Variants in DLG1 observed in about 807,000 individuals in gnomAD.
DLG1 encodes disks large homolog 1.
DLG1 carries 42 observed loss-of-function variants against 123.4 expected under a neutral mutation model. The ratio of observed to expected loss-of-function variants is 0.34; its 90% CI spans 0.27 to 0.44. The LOEUF (loss-of-function observed/expected upper bound fraction) is 0.44, where lower values mean the gene tolerates loss of function less well. DLG1 is among the 20% of genes least tolerant of loss of function. DLG1 has a pLI of 1.00. For missense variants in DLG1, 942 were observed against 1,082.6 expected (o/e 0.87, Z 1.82); for synonymous variants, 317 against 356.2 (o/e 0.89, Z 1.24).
At chr3:197,144,157 T>C (rs1789489508) in intron 6 of DLG1, among the ~76,000 whole-genome samples, 1 of 152,344 alleles carries the variant, frequency 6.6e-6, no homozygotes, top group South Asian at 2.1e-4. Context: ...CAATTAGATC[T>C]AGGCAAGCCC....
intron 4 of DLG1, among the ~76,000 whole-genome samples, chr3:197,196,931 T>C (rs1577926489): frequency 6.6e-6 from 1 of 152,196 alleles, no homozygotes; most frequent in East Asian, 1.9e-4. Context: ...TATATATGTG[T>C]ATGTGTGTAT....
chr3:197,190,597 C>T (rs750583476), intron 5 of DLG1, among the ~76,000 whole-genome samples: 3 of 152,186 alleles, frequency 2.0e-5, no homozygotes, highest in Non-Finnish European at 1.5e-5. Flanking sequence ...TGTGCCCGCA[C>T]ATTAGAAACA....
intron 4 of DLG1, among the ~76,000 whole-genome samples, chr3:197,225,057 C>T (rs1448489187): frequency 6.6e-6 from 1 of 152,140 alleles, no homozygotes; most frequent in Non-Finnish European, 1.5e-5. Flanking sequence ...CCTGGGTTCA[C>T]GCCATTCTCC....
chr3:197,149,249 C>T (rs1476169876), intron 6 of DLG1, among the ~76,000 whole-genome samples: 1 of 152,164 alleles, frequency 6.6e-6, no homozygotes, highest in Non-Finnish European at 1.5e-5. Context: ...TGCTAATCTA[C>T]TTTCAGTAAC....
At chr3:197,263,055 A>G (rs1760146973) in intron 4 of DLG1, among the ~76,000 whole-genome samples, 1 of 146,686 alleles carries the variant, frequency 6.8e-6, no homozygotes, top group African/African-American at 2.5e-5. Context: ...CTCCCTAAAT[A>G]AAGTTTATCA....
chr3:197,286,081 A>G (rs574321165), intron 3 of DLG1, among the ~76,000 whole-genome samples: 8 of 152,350 alleles, frequency 5.3e-5, no homozygotes, highest in African/African-American at 1.9e-4. Context: ...GCATGGAGGA[A>G]CCGTAAATAT....
intron 4 of DLG1, among the ~76,000 whole-genome samples, chr3:197,274,451 CA>C (rs1380499985): frequency 6.6e-6 from 1 of 151,950 alleles, no homozygotes; most frequent in Non-Finnish European, 1.5e-5. Context: ...AAAAACAAAT[CA>C]AAATAGATTA....
chr3:197,067,579 C>T (rs185096621), intron 19 of DLG1, among the ~76,000 whole-genome samples: 2,072 of 80,172 alleles, frequency 0.026, 66 homozygotes, highest in African/African-American at 0.11. Context: ...TTTTTTGAGA[C>T]GGAGTTTCGC....
chr3:197,227,484 C>A (rs1486457586), intron 4 of DLG1, among the ~76,000 whole-genome samples: 2 of 149,038 alleles, frequency 1.3e-5, no homozygotes, highest in African/African-American at 2.5e-5. Context: ...CAAAAAAAAA[C>A]CAAAAAAACA....
intron 5 of DLG1, among the ~76,000 whole-genome samples, chr3:197,184,565 G>A (rs770665872): frequency 1.3e-5 from 2 of 152,118 alleles, no homozygotes; most frequent in African/African-American, 2.4e-5. Context: ...TAATGTATTG[G>A]TTTTTAATGA....
chr3:197,193,464 T>G (rs1720738456), intron 5 of DLG1, among the ~76,000 whole-genome samples: 2 of 152,228 alleles, frequency 1.3e-5, no homozygotes, highest in East Asian at 3.8e-4. Context: ...TCCACAAAGA[T>G]GTATATATAA....
At chr3:197,287,147 T>C (rs1461976296) in intron 3 of DLG1, among the ~76,000 whole-genome samples, 1 of 151,944 alleles carries the variant, frequency 6.6e-6, no homozygotes, top group Non-Finnish European at 1.5e-5. Flanking sequence ...TGGGATTACA[T>C]GCGTTGAGCC....
In DLG1 at chr3:197,282,721, C is replaced by G; in HGVS notation, c.276G>C (p.Val92=). The change falls in exon 4 of 25, where the codon GTG becomes GTC. Residue 92 remains valine (V), a synonymous_variant. Transcript: ENST00000667157. ...GGCTGCTTGGCAGTGTCTCTGAAGTCACAGTAGAGCTTGGAAGGCTGGAAA... is the reference window on the plus strand; with the variant it reads ...GGCTGCTTGGCAGTGTCTCTGAAGTGACAGTAGAGCTTGGAAGGCTGGAAA... The part of the protein sequence containing the change: ...WEISSLPSST[V]TSETLPSSLS... The G allele has an allele frequency of 6.2e-7, 1 of 1,610,328 alleles. No homozygotes were observed. The highest frequency in any genetic ancestry group is 1.3e-5 in the African/African-American group (1 of 74,902).
intron 13 of DLG1, among the ~76,000 whole-genome samples, chr3:197,106,572 C>T (rs1411371564): frequency 2.0e-5 from 3 of 152,108 alleles, no homozygotes; most frequent in African/African-American, 7.2e-5. Context: ...AAAATCCTCC[C>T]AATTCCTGGG....
At position 197,069,243 on chromosome 3, in the gene DLG1, C is replaced by T. The variant is rs914508596; in HGVS notation, c.2023G>A (p.Ala675Thr). The T allele has an allele frequency of 1.9e-6, 3 of 1,585,602 alleles. No homozygotes were observed. The highest frequency in any genetic ancestry group is 2.6e-6 in the Non-Finnish European group (3 of 1,165,476). Residue 675 changes from alanine to threonine, a missense_variant, in exon 19 of 25, where the codon GCC (alanine) becomes ACC (threonine). By Grantham distance (58) the Ala-to-Thr change is moderately conservative. Transcript: ENST00000667157. ...SDADQHVTSN[A>T]SDSESSYRGQ... ...CGGTAACTACTTTCACTATCGCTGG[C>T]ATTAGAAGTTACATGCTCTGAAATT...
At chr3:197,284,604 C>T (rs1001692336) in intron 3 of DLG1, among the ~76,000 whole-genome samples, 1 of 152,150 alleles carries the variant, frequency 6.6e-6, no homozygotes, top group African/African-American at 2.4e-5. Context: ...ATCCAGAAAG[C>T]TTACCAAATA....
At chr3:197,130,732 A>G (rs1782053803) in intron 10 of DLG1, 61 bp from the exon 11 acceptor site, 11 of 1,352,050 alleles carry the variant, frequency 8.1e-6, no homozygotes, top group Non-Finnish European at 1.1e-5. Flanking sequence ...TTTTGGAAAC[A>G]ATTTCACGAA....
chr3:197,186,118 T>A (rs1389329235), intron 5 of DLG1, among the ~76,000 whole-genome samples: 1 of 152,206 alleles, frequency 6.6e-6, no homozygotes, highest in Non-Finnish European at 1.5e-5. Context: ...TCCTGTTACA[T>A]GACCTACAAA....
intron 1 of DLG1, 124 bp downstream of exon 1, chr3:197,298,412 C>G: frequency 2.5e-6 from 1 of 398,606 alleles, no homozygotes; most frequent in East Asian, 3.6e-5. Context: ...AGGAGCCCGC[C>G]TTTACCTTGC....
Sources: allele counts gnomAD v4.1 joint callset (sites outside exome capture counted in the v4.1 genomes callset), GRCh38; gene constraint gnomAD v4.1.1; transcripts MANE v1.5; gene names NCBI Gene and HGNC (gene_info 2026-07-23, HGNC 2026-07-21).